ATXN7L1: variants seen among roughly 807,000 people sequenced by gnomAD.
ATXN7L1 encodes ataxin-7-like protein 1.
In ATXN7L1, 15 loss-of-function variants were observed where a neutral mutation model predicts 70.8. The observed-to-expected ratio is 0.21, with a 90% CI of 0.14 to 0.33. The LOEUF is 0.33. ATXN7L1 is among the 10% of genes least tolerant of loss of function. The pLI, the probability that ATXN7L1 is intolerant of heterozygous loss-of-function variation, is 1.00. For missense variants in ATXN7L1, 975 were observed against 1,097.1 expected, an observed-to-expected ratio of 0.89 and a Z score of 1.57; for synonymous variants, 440 against 445.1, an observed-to-expected ratio of 0.99 and a Z score of 0.14.
At chr7:105,728,587 T>C (rs1041915634) in intron 3 of ATXN7L1, among the ~76,000 whole-genome samples, 4 of 152,298 alleles carry the variant, frequency 2.6e-5, no homozygotes, top group African/African-American at 9.6e-5. Context: ...CTTATTTTCT[T>C]GTTCTGCCAT....
At chr7:105,815,035 G>A (rs1304318750) in intron 2 of ATXN7L1, among the ~76,000 whole-genome samples, 1 of 152,130 alleles carries the variant, frequency 6.6e-6, no homozygotes, top group Non-Finnish European at 1.5e-5. Context: ...TTCTGGAAAG[G>A]GGGGCCCACA....
chr7:105,748,072 C>G (rs938880785), intron 3 of ATXN7L1, among the ~76,000 whole-genome samples: 2 of 147,446 alleles, frequency 1.4e-5, no homozygotes, highest in Non-Finnish European at 3.0e-5. Context: ...GAGCCAAGAT[C>G]GTGCCATTGC....
rs550615615 is a variant in ATXN7L1 at position 105,676,324 on chromosome 7, C to T, written c.356-11036G>A. On this transcript the variant is annotated intron_variant, in intron 3 of 11. Coordinates refer to ENST00000419735, the MANE Select transcript of ATXN7L1 (RefSeq NM_020725.2). ...CCACAAACACACACCGCACAAGTCA[C>T]ATGTGTTTAAACACAGGAGTCACCA... Among the ~76,000 whole-genome samples the T allele has an allele frequency of 4.6e-4, 70 of 152,316 alleles. 3 individuals carry two copies. The highest frequency in any genetic ancestry group is 3.3e-4 in the Admixed American group (5 of 15,306).
chr7:105,621,040 T>G (rs1414622459), intron 8 of ATXN7L1, among the ~76,000 whole-genome samples: 2 of 152,180 alleles, frequency 1.3e-5, no homozygotes, highest in African/African-American at 2.4e-5. Context: ...TGTGCTGGTG[T>G]CCCAGGTCCC....
At chr7:105,827,142 T>C (rs1446758762) in intron 2 of ATXN7L1, among the ~76,000 whole-genome samples, 1 of 152,172 alleles carries the variant, frequency 6.6e-6, no homozygotes, top group African/African-American at 2.4e-5. Context: ...ATAAGCAAGC[T>C]CTGGGTCAAG....
At chr7:105,611,429 T>C (rs1242506132) in intron 10 of ATXN7L1, among the ~76,000 whole-genome samples, 2 of 152,258 alleles carry the variant, frequency 1.3e-5, no homozygotes, top group Non-Finnish European at 2.9e-5. Context: ...TGGAGTGCAG[T>C]GGCACGATCT....
At chr7:105,752,217 C>T (rs1799300592) in intron 3 of ATXN7L1, among the ~76,000 whole-genome samples, 1 of 152,172 alleles carries the variant, frequency 6.6e-6, no homozygotes, top group Admixed American at 6.5e-5. Flanking sequence ...TTCTTGTTGC[C>T]TTTGACCTCG....
intron 3 of ATXN7L1, among the ~76,000 whole-genome samples, chr7:105,671,005 G>A (rs1803498763): frequency 1.3e-5 from 2 of 151,398 alleles, no homozygotes; most frequent in South Asian, 4.2e-4. Flanking sequence ...TACTCGGGAG[G>A]CTGAGGCAGG....
At chr7:105,710,399 C>A (rs1420664434) in intron 3 of ATXN7L1, among the ~76,000 whole-genome samples, 2 of 128,000 alleles carry the variant, frequency 1.6e-5, no homozygotes, top group Non-Finnish European at 3.1e-5. Flanking sequence ...AGGTGCCATG[C>A]ACTTTTTTTT....
At position 105,720,998 on chromosome 7, in the gene ATXN7L1, C is replaced by T. The variant is rs528218524; in HGVS notation, c.356-55710G>A. Among the ~76,000 whole-genome samples, 8 of 152,300 alleles carry T rather than the reference C, an allele frequency of 5.3e-5. No individual in the cohort carries two copies. In the East Asian group the frequency reaches 7.7e-4, roughly 15 times the overall value. Reference sequence around the variant, plus strand: ...TTTCCCTCAGCACCACACATGGCTTCGCTGCCCTGCCTCTAACCCCACACA... The same window carrying T: ...TTTCCCTCAGCACCACACATGGCTTTGCTGCCCTGCCTCTAACCCCACACA... On this transcript the variant is annotated intron_variant, in intron 3 of 11. Transcript: ENST00000419735.
intron 2 of ATXN7L1, among the ~76,000 whole-genome samples, chr7:105,840,720 G>A (rs1287808516): frequency 6.6e-6 from 1 of 152,180 alleles, no homozygotes; most frequent in Non-Finnish European, 1.5e-5. Flanking sequence ...AAGAAATGGG[G>A]TATACTTCCC....
chr7:105,874,123 CAAAAAAAA>C (rs766696244), intron 2 of ATXN7L1, among the ~76,000 whole-genome samples: 2 of 71,972 alleles, frequency 2.8e-5, no homozygotes, highest in African/African-American at 4.5e-5. Context: ...GAATCCGTAT[CAAAAAAAA>C]AAAAAAAAAA....
At chr7:105,824,614 A>C (rs575882261) in intron 2 of ATXN7L1, among the ~76,000 whole-genome samples, 1 of 152,240 alleles carries the variant, frequency 6.6e-6, no homozygotes, top group East Asian at 1.9e-4. Context: ...GAAAGTAGAA[A>C]CTGATAGAGT....
chr7:105,614,483 C>T lies in ATXN7L1; in HGVS notation c.1851G>A (p.Lys617=), dbSNP rs1214898869. ...ATTTGCTGGTTTTGGTTTTGGATGG[C>T]TTGTGGGATGGGGAAGGGATGACGG... The part of the protein sequence containing the change: ...IPAVIPSPSH[K]PSKTKTSKSS... The change falls in exon 10 of 12, where the codon AAG becomes AAA. Residue 617 remains lysine, a synonymous_variant. Transcript: ENST00000419735. This position sits in a 1 kb window ranked among gnomAD's most constrained non-coding sequence, Gnocchi z 4.3. The T allele has an allele frequency of 6.5e-7, 1 of 1,534,956 alleles. No individual in the cohort carries two copies. The highest frequency in any genetic ancestry group is 8.8e-7 in the Non-Finnish European group (1 of 1,137,720).
chr7:105,622,050 G>A (rs1347730650), intron 8 of ATXN7L1, among the ~76,000 whole-genome samples: 1 of 152,206 alleles, frequency 6.6e-6, no homozygotes, highest in African/African-American at 2.4e-5. Flanking sequence ...CAGCATGTGG[G>A]AGCTGTTCCA....
At chr7:105,696,414 G>A (rs1791710836) in intron 3 of ATXN7L1, among the ~76,000 whole-genome samples, 1 of 152,178 alleles carries the variant, frequency 6.6e-6, no homozygotes, top group South Asian at 2.1e-4. Flanking sequence ...AAGACATAAA[G>A]TGAGGAGAAT....
intron 7 of ATXN7L1, among the ~76,000 whole-genome samples, chr7:105,625,673 C>T (rs1376086240): frequency 6.6e-6 from 1 of 152,116 alleles, no homozygotes; most frequent in Non-Finnish European, 1.5e-5. Flanking sequence ...TAAAACAACC[C>T]AACACATGTC....
chr7:105,871,454 G>A (rs540382441), intron 2 of ATXN7L1, among the ~76,000 whole-genome samples: 1 of 152,312 alleles, frequency 6.6e-6, no homozygotes, highest in South Asian at 2.1e-4. Flanking sequence ...GCTCATGCCT[G>A]TAATCCCAGC....
At chr7:105,673,938 T>C (rs1043093772) in intron 3 of ATXN7L1, among the ~76,000 whole-genome samples, 1 of 152,142 alleles carries the variant, frequency 6.6e-6, no homozygotes, top group African/African-American at 2.4e-5. Context: ...GAGGAGGAAA[T>C]GAAGACACAG....
Sources: allele counts gnomAD v4.1 joint callset (sites outside exome capture counted in the v4.1 genomes callset), GRCh38; gene constraint gnomAD v4.1.1; non-coding constraint Gnocchi (gnomAD v3.1); transcripts MANE v1.5; gene names NCBI Gene and HGNC (gene_info 2026-07-23, HGNC 2026-07-21).